The following GOLGA7 variants were observed in gnomAD, a reference collection of about 807,000 sequenced individuals.
GOLGA7 encodes golgin subfamily A member 7.
GOLGA7 carries 10 observed loss-of-function variants against 21.1 expected under a neutral mutation model. The ratio of observed to expected loss-of-function variants is 0.47; its 90% CI spans 0.29 to 0.80. GOLGA7 has a LOEUF of 0.80. GOLGA7 is among the 30% of genes least tolerant of loss of function. The pLI, the probability that GOLGA7 is intolerant of heterozygous loss-of-function variation, is 0.08. For missense variants in GOLGA7, 114 were observed against 166.8 expected, an observed-to-expected ratio of 0.68 and a Z score of 1.74; for synonymous variants, 64 against 62.6, an observed-to-expected ratio of 1.02 and a Z score of -0.10.
chr8:41,504,780 T>C (rs570242957), intron 2 of GOLGA7, among the ~76,000 whole-genome samples: 58 of 152,184 alleles, frequency 3.8e-4, no homozygotes, highest in Non-Finnish European at 6.9e-4. Flanking sequence ...ACAGGTAGAG[T>C]TTTAAATTCT....
intron 1 of GOLGA7, among the ~76,000 whole-genome samples, chr8:41,495,676 A>T (rs1414407567): frequency 1.3e-5 from 2 of 151,926 alleles, no homozygotes; most frequent in African/African-American, 2.4e-5. Flanking sequence ...GCCAAACAAA[A>T]AAGTCTTTTA....
chr8:41,499,622 C>G (rs971330975), intron 2 of GOLGA7, among the ~76,000 whole-genome samples: 1 of 152,168 alleles, frequency 6.6e-6, no homozygotes. Context: ...TGCTCCTACG[C>G]CAGTGTGTTC....
At chr8:41,496,535 T>C (rs1168777719) in intron 1 of GOLGA7, among the ~76,000 whole-genome samples, 3 of 152,176 alleles carry the variant, frequency 2.0e-5, no homozygotes, top group Non-Finnish European at 4.4e-5. Flanking sequence ...GTTTATTAGC[T>C]TGAGATTTTA....
intron 2 of GOLGA7, among the ~76,000 whole-genome samples, chr8:41,502,292 T>C (rs750559024): frequency 3.9e-5 from 6 of 152,238 alleles, no homozygotes; most frequent in Non-Finnish European, 7.3e-5. Context: ...TACAAAAGGA[T>C]GAGGTTGAGT....
At chr8:41,502,162 C>T (rs938982886) in intron 2 of GOLGA7, among the ~76,000 whole-genome samples, 5 of 152,116 alleles carry the variant, frequency 3.3e-5, no homozygotes, top group Admixed American at 6.5e-5. Context: ...ATATGATATA[C>T]CTATACTTTT....
rs552583145 is a variant in GOLGA7 at position 41,495,576 on chromosome 8, G to A, written c.112-1933G>A. On this transcript the variant is annotated intron_variant, in intron 1 of 4. Coordinates refer to ENST00000357743, the MANE Select transcript of GOLGA7 (RefSeq NM_001002296.2). ...TGGGATTACAGGAATGAGCCACCACGCCAGCCTGATTTTTTTTTTTCTGAG... is the reference window on the plus strand; with the variant it reads ...TGGGATTACAGGAATGAGCCACCACACCAGCCTGATTTTTTTTTTTCTGAG... Among the ~76,000 whole-genome samples the A allele has an allele frequency of 3.3e-5, 5 of 150,092 alleles. 1 individual carries two copies. The highest frequency in any genetic ancestry group is 9.8e-5 in the African/African-American group (4 of 40,900).
At chr8:41,507,983 C>T (rs1011284548) in intron 4 of GOLGA7, among the ~76,000 whole-genome samples, 2 of 152,164 alleles carry the variant, frequency 1.3e-5, no homozygotes, top group African/African-American at 4.8e-5. Context: ...TACTATGTGC[C>T]TGGTATTGTA....
Position 41,497,511 on chromosome 8 carries a change from T to C in GOLGA7, c.114T>C (p.Ile38=). ...TKFPAELENR[I]DRQQFEETVR... ...TTTAAATATTTTCTTCTCTACAGAT[T>C]GATAGGCAGCAGTTTGAAGAAACAG... Residue 38 remains isoleucine, a splice_region_variant and synonymous_variant, in exon 2 of 5, where the codon ATT becomes ATC. Transcript: ENST00000357743. The C allele has an allele frequency of 6.6e-7, 1 of 1,515,890 alleles. No individual in the cohort carries two copies. Among genetic ancestry groups the C allele is most frequent in the East Asian group, 2.3e-5 (1 of 43,684 alleles). The allele number at this position is 1,515,890 out of a possible 1,614,324, so 93.9% of individuals were successfully genotyped here. A position where few individuals can be genotyped will look rare whatever the true frequency, so the allele number is the denominator to read the frequency against.
In GOLGA7 at chr8:41,497,577, C is replaced by T. The variant is rs17656952; in HGVS notation, c.180C>T (p.Leu60=). 206,459 of 1,583,638 alleles carry T rather than the reference C, an allele frequency of 0.13. 14,477 individuals carry two copies. The highest frequency in any genetic ancestry group is 0.14 in the Non-Finnish European group (159,702 of 1,152,686). Residue 60 remains leucine, a synonymous_variant, in exon 2 of 5, where the codon CTC becomes CTT. Transcript: ENST00000357743. ...LNNLYAEAEK[L]GGQSYLEGCL... is the part of the protein sequence containing the mutation. Reference sequence around the variant, plus strand: ...ACCTTTATGCAGAAGCAGAGAAGCTCGGCGGCCAGTCATATCTCGAAGGTT... The same window carrying T: ...ACCTTTATGCAGAAGCAGAGAAGCTTGGCGGCCAGTCATATCTCGAAGGTT...
intron 3 of GOLGA7, among the ~76,000 whole-genome samples, chr8:41,506,326 GA>G: frequency 6.6e-6 from 1 of 152,234 alleles, no homozygotes; most frequent in Non-Finnish European, 1.5e-5. Context: ...CAGAAACCCT[GA>G]ACCTGAAGCC....
intron 2 of GOLGA7, among the ~76,000 whole-genome samples, chr8:41,503,358 A>G (rs1412331305): frequency 1.5e-5 from 2 of 134,700 alleles, no homozygotes; most frequent in Non-Finnish European, 3.1e-5. Flanking sequence ...CCCATGTTGT[A>G]GGTTGCCTGT....
chr8:41,506,919 CTT>C, intron 3 of GOLGA7, 138 bp from the exon 4 acceptor site: 1 of 667,118 alleles, frequency 1.5e-6, no homozygotes, highest in Non-Finnish European at 2.7e-6. Flanking sequence ...AGAAAGCAAA[CTT>C]AAGTAGGAAA....
chr8:41,495,160 G>C (rs375938554), intron 1 of GOLGA7, among the ~76,000 whole-genome samples: 36 of 123,440 alleles, frequency 2.9e-4, no homozygotes, highest in African/African-American at 1.1e-3. Context: ...CCAAGATTGC[G>C]CCACTGCACT....
rs1806377868 is a variant in GOLGA7 at position 41,509,832 on chromosome 8, A to G, written c.*264A>G. ...CTGAGAAAACACAATGAAGCACTTC[A>G]CTTTTTTTTATTCAAAGCCATTTAA... is the stretch of plus-strand genomic sequence containing the variant. On this transcript the variant is annotated 3_prime_UTR_variant, in exon 5 of 5. Transcript: ENST00000357743. The G allele has an allele frequency of 6.5e-6, 1 of 152,740 alleles. No homozygotes were observed. Among genetic ancestry groups the G allele is most frequent in the African/African-American group, 2.4e-5 (1 of 41,556 alleles). The allele number at this position is 152,740 out of a possible 1,614,324, so 9.5% of individuals were successfully genotyped here.
chr8:41,505,963 C>T lies in GOLGA7; in HGVS notation c.317C>T (p.Ala106Val), dbSNP rs1806276903. ...YIQEQNEKIY[A>V]PQGLLLTDPI... The stretch of plus-strand genomic sequence containing the variant: ...CAAGAGCAGAATGAGAAGATCTATG[C>T]TCCACAAGGCCTCCTCCTGACAGAC... The change falls in exon 3 of 5, where the codon GCT becomes GTT. Residue 106 changes from alanine to valine, a missense_variant. Coordinates refer to ENST00000357743, the MANE Select transcript of GOLGA7 (RefSeq NM_001002296.2). 5 of 1,604,910 alleles carry T rather than the reference C, an allele frequency of 3.1e-6. No individual in the cohort carries two copies. Among genetic ancestry groups the T allele is most frequent in the African/African-American group, 1.3e-5 (1 of 74,722 alleles).
At chr8:41,499,986 A>G (rs887900633) in intron 2 of GOLGA7, among the ~76,000 whole-genome samples, 1 of 152,184 alleles carries the variant, frequency 6.6e-6, no homozygotes, top group African/African-American at 2.4e-5. Flanking sequence ...TCAAGGCTCT[A>G]TGTCAGCTTT....
intron 2 of GOLGA7, among the ~76,000 whole-genome samples, chr8:41,504,127 A>AC (rs746392514): frequency 1.4e-4 from 16 of 115,950 alleles, no homozygotes; most frequent in African/African-American, 5.6e-4. Context: ...TAATAAAAAA[A>AC]AAAAAAAAAC....
Position 41,507,012 on chromosome 8 carries a change from G to A in GOLGA7, c.367-47G>A, listed in dbSNP as rs111957908. The A allele has an allele frequency of 2.6e-5, 23 of 893,694 alleles. 1 individual carries two copies. Among genetic ancestry groups the A allele is most frequent in the African/African-American group, 8.2e-5 (5 of 61,326 alleles). 55.4% of individuals were successfully genotyped at this position (893,694 alleles called of 1,614,324 possible). A position where few individuals can be genotyped will look rare whatever the true frequency, so the allele number is the denominator to read the frequency against. On this transcript the variant is annotated intron_variant, in intron 3 of 4. Coordinates refer to ENST00000357743, the MANE Select transcript of GOLGA7 (RefSeq NM_001002296.2). ...CCTCCACCTTGCCAAGTCCCCCTTT[G>A]TGTGTTGTGTCCTGTAGTGTGTTTT...
chr8:41,510,003 TA>T lies in GOLGA7; in HGVS notation c.*438del, dbSNP rs1563422490. 6.6e-6 allele frequency: 1 copy of T among 152,568 alleles called. No individual in the cohort carries two copies. The highest frequency in any genetic ancestry group is 1.5e-5 in the Non-Finnish European group (1 of 68,032). 9.5% of individuals were successfully genotyped at this position (152,568 alleles called of 1,614,324 possible). ...TCACCAGTGTTCTATCTTGTTCCCC[TA>T]AATTAATAAAATGTTTTTCTCCAGG... On this transcript the variant is annotated 3_prime_UTR_variant, in exon 5 of 5. Transcript: ENST00000357743.
Sources: gnomAD v4.1 joint callset for allele counts (sites outside exome capture counted in the v4.1 genomes callset) on GRCh38, gnomAD v4.1.1 for gene constraint, MANE v1.5 for transcripts, NCBI Gene and HGNC (gene_info 2026-07-23, HGNC 2026-07-21) for gene names.